Variants in RARS2 observed in about 807,000 individuals in gnomAD.
RARS2 encodes the protein arginyl-tRNA synthetase 2, mitochondrial.
A neutral mutation model predicts 88.5 loss-of-function variants in RARS2; 67 were observed. The observed-to-expected ratio is 0.76, with a 90% CI of 0.62 to 0.93. The LOEUF (loss-of-function observed/expected upper bound fraction) is 0.93. Ranked by LOEUF, RARS2 falls within the 40% of genes least tolerant of loss-of-function variation. The pLI is 0.00. For synonymous variants in RARS2, 239 were observed against 230.3 expected, an observed-to-expected ratio of 1.04 and a Z score of -0.34; for missense variants, 664 against 684.2, an observed-to-expected ratio of 0.97 and a Z score of 0.33.
intron 1 of RARS2, among the ~76,000 whole-genome samples, chr6:87,575,497 A>C (rs990213377): frequency 7.9e-5 from 12 of 152,190 alleles, no homozygotes; most frequent in Non-Finnish European, 1.8e-4. Flanking sequence ...TCTATCCAAA[A>C]TAATTCCACC....
intron 2 of RARS2, among the ~76,000 whole-genome samples, chr6:87,565,920 C>A (rs1028521875): frequency 7.9e-5 from 12 of 152,302 alleles, no homozygotes; most frequent in African/African-American, 2.9e-4. Flanking sequence ...ACTAAAAATT[C>A]CTGTGTGACT....
chr6:87,574,729 G>A (rs1417846020), intron 1 of RARS2, among the ~76,000 whole-genome samples: 2 of 152,292 alleles, frequency 1.3e-5, no homozygotes, highest in East Asian at 3.9e-4. Flanking sequence ...GGAACTTACT[G>A]AGAATGTGAA....
chr6:87,587,475 T>C (rs937023026), intron 1 of RARS2, among the ~76,000 whole-genome samples: 1 of 152,234 alleles, frequency 6.6e-6, no homozygotes. Context: ...TAATTTACAC[T>C]GCTGTATAAA....
Position 87,588,871 on chromosome 6 carries a change from C to T in RARS2, c.36+1051G>A, listed in dbSNP as rs28381453. The stretch of plus-strand genomic sequence containing the variant: ...TACCCATCAGTAAAATCTGACCTTG[C>T]TTTCCCAGTTTAATACACTACCAAA... On this transcript the variant is annotated intron_variant, in intron 1 of 19. Coordinates refer to ENST00000369536, the MANE Select transcript of RARS2 (RefSeq NM_020320.5). Among the ~76,000 whole-genome samples, 58 of 152,284 alleles carry T rather than the reference C, an allele frequency of 3.8e-4. No homozygotes were observed. The South Asian group carries it at 0.011, about 29-fold the overall frequency.
chr6:87,546,759 T>G (rs2128122138), intron 6 of RARS2, among the ~76,000 whole-genome samples: 1 of 152,346 alleles, frequency 6.6e-6, no homozygotes, highest in Non-Finnish European at 1.5e-5. Flanking sequence ...ATGGATTTAG[T>G]TTTTTGCAAA....
At chr6:87,524,683 A>T in intron 10 of RARS2, 31 bp from the exon 11 acceptor site, 1 of 1,480,382 alleles carries the variant, frequency 6.8e-7, no homozygotes, top group Non-Finnish European at 9.4e-7. Context: ...CTCTGAAGCA[A>T]CATAATAAAT....
At chr6:87,579,219 T>C (rs1174343759) in intron 1 of RARS2, among the ~76,000 whole-genome samples, 1 of 152,138 alleles carries the variant, frequency 6.6e-6, no homozygotes, top group African/African-American at 2.4e-5. Context: ...TCCAATACTT[T>C]GCCGTATATG....
At chr6:87,557,924 C>T (rs1344857257) in intron 4 of RARS2, among the ~76,000 whole-genome samples, 1 of 152,116 alleles carries the variant, frequency 6.6e-6, no homozygotes, top group Non-Finnish European at 1.5e-5. Flanking sequence ...ACCTATAATC[C>T]CAGCACTTTG....
chr6:87,520,929 G>A (rs1164585456), intron 12 of RARS2, among the ~76,000 whole-genome samples: 1 of 152,150 alleles, frequency 6.6e-6, no homozygotes, highest in Non-Finnish European at 1.5e-5. Flanking sequence ...ATGTGGTGAT[G>A]GTTACATGAA....
At chr6:87,533,590 T>G (rs1347112280) in intron 8 of RARS2, among the ~76,000 whole-genome samples, 1 of 152,220 alleles carries the variant, frequency 6.6e-6, no homozygotes, top group Non-Finnish European at 1.5e-5. Flanking sequence ...AAACACAATT[T>G]TTCTCTTAGA....
chr6:87,517,488 A>G (rs965174010), intron 17 of RARS2, among the ~76,000 whole-genome samples: 1 of 152,228 alleles, frequency 6.6e-6, no homozygotes, highest in Non-Finnish European at 1.5e-5. Flanking sequence ...ATAAATTAGC[A>G]AAGTCTACCC....
At chr6:87,526,783 G>C in intron 10 of RARS2, among the ~76,000 whole-genome samples, 1 of 150,710 alleles carries the variant, frequency 6.6e-6, no homozygotes, top group East Asian at 2.1e-4. Context: ...TGATTCTCCT[G>C]CCTGAGCCTC....
chr6:87,568,549 T>C (rs1768648649), intron 2 of RARS2, among the ~76,000 whole-genome samples: 1 of 152,198 alleles, frequency 6.6e-6, no homozygotes, highest in African/African-American at 2.4e-5. Flanking sequence ...ATGCAGAATG[T>C]CATTTATAGA....
intron 2 of RARS2, among the ~76,000 whole-genome samples, chr6:87,567,068 A>T (rs568483134): frequency 2.0e-5 from 3 of 152,160 alleles, no homozygotes; most frequent in African/African-American, 7.2e-5. Flanking sequence ...CCTGGCCAAC[A>T]TGGTGAAACC....
chr6:87,553,759 G>A (rs748398221), intron 5 of RARS2, among the ~76,000 whole-genome samples: 5 of 152,140 alleles, frequency 3.3e-5, no homozygotes, highest in Non-Finnish European at 7.3e-5. Flanking sequence ...ATGACTGTAG[G>A]AATCCCTCTA....
chr6:87,525,703 C>G (rs749701420), intron 10 of RARS2, among the ~76,000 whole-genome samples: 1 of 152,048 alleles, frequency 6.6e-6, no homozygotes, highest in Non-Finnish European at 1.5e-5. Context: ...CGCGCCACCA[C>G]GTCCAGTTAA....
chr6:87,581,957 A>G (rs1773616562), intron 1 of RARS2, among the ~76,000 whole-genome samples: 1 of 152,192 alleles, frequency 6.6e-6, no homozygotes, highest in Admixed American at 6.5e-5. Context: ...GTTGCACAGT[A>G]TTCCATGGTG....
intron 10 of RARS2, among the ~76,000 whole-genome samples, chr6:87,525,384 G>T (rs1775328088): frequency 6.6e-6 from 1 of 151,942 alleles, no homozygotes; most frequent in African/African-American, 2.4e-5. Flanking sequence ...GTCTCTGCAG[G>T]CAACATAATC....
chr6:87,530,258 GC>G (rs1354293895), intron 9 of RARS2, among the ~76,000 whole-genome samples: 2 of 152,056 alleles, frequency 1.3e-5, no homozygotes, highest in Non-Finnish European at 2.9e-5. Flanking sequence ...AGTCACACGG[GC>G]TTCTTTACAA....
Sources: allele counts gnomAD v4.1 joint callset (sites outside exome capture counted in the v4.1 genomes callset), GRCh38; gene constraint gnomAD v4.1.1; transcripts MANE v1.5; gene names NCBI Gene and HGNC (gene_info 2026-07-23, HGNC 2026-07-21).